Variants in B4GALNT3 observed in about 807,000 individuals in gnomAD.
The protein encoded by B4GALNT3 is beta-1,4-N-acetylgalactosaminyltransferase 3.
In B4GALNT3, 86 loss-of-function variants were observed where a neutral mutation model predicts 120.2. The ratio of observed to expected loss-of-function variants is 0.72; its 90% CI spans 0.60 to 0.86. The LOEUF is 0.86. Ranked by LOEUF, B4GALNT3 falls within the 40% of genes least tolerant of loss-of-function variation. The pLI is 0.00. For synonymous variants in B4GALNT3, 518 were observed against 510.4 expected (o/e 1.01, Z -0.20); for missense variants, 1,167 against 1,298.9 (o/e 0.90, Z 1.56).
chr12:557,530 G>A, intron 15 of B4GALNT3, 78 bp from the exon 16 acceptor site: 4 of 1,483,916 alleles, frequency 2.7e-6, no homozygotes, highest in Non-Finnish European at 3.7e-6. Flanking sequence ...ACTCACCTGG[G>A]AGCTGGGGGT....
At chr12:509,864 C>T (rs749019831) in intron 1 of B4GALNT3, among the ~76,000 whole-genome samples, 5 of 152,156 alleles carry the variant, frequency 3.3e-5, no homozygotes, top group Non-Finnish European at 7.3e-5. Flanking sequence ...GTGGTGGGAG[C>T]AAGAAAGAGA....
intron 1 of B4GALNT3, among the ~76,000 whole-genome samples, chr12:511,339 T>TCCA (rs199673861): frequency 8.0e-4 from 41 of 51,114 alleles, no homozygotes; most frequent in Admixed American, 1.3e-3. Flanking sequence ...CCTTCCACCT[T>TCCA]CCTTCCACCT....
At chr12:464,262 A>T (rs780591363) in intron 1 of B4GALNT3, among the ~76,000 whole-genome samples, 7 of 152,214 alleles carry the variant, frequency 4.6e-5, no homozygotes, top group African/African-American at 4.8e-5. Context: ...AGATTCTCCA[A>T]TTAGGCAGGT....
rs141528374 is a variant in B4GALNT3 at position 544,349 on chromosome 12, G to T, written c.362G>T (p.Arg121Leu). The T allele has an allele frequency of 1.2e-6, 2 of 1,613,422 alleles. No individual in the cohort carries two copies. Among genetic ancestry groups the T allele is most frequent in the Non-Finnish European group, 8.5e-7 (1 of 1,179,852 alleles). ...GTCTCCGCCCTGCAGTTCCGGGGCC[G>T]TGCCAACCTGCATGTGTTTGAAGAC... ...PVPWLSEFRGRANLHVFEDWC... is the reference protein window; with the variant it reads ...PVPWLSEFRGLANLHVFEDWC... The change falls in exon 4 of 20, where the codon CGT becomes CTT. Residue 121 changes from arginine (R) to leucine (L), a missense_variant. Physicochemically the swap from Arg to Leu is moderately radical, Grantham distance 102. This residue lies in a region of B4GALNT3 where 171 missense variants were observed against 161.3 expected (regional missense o/e 1.06). Coordinates refer to ENST00000266383, the MANE Select transcript of B4GALNT3 (RefSeq NM_173593.4).
Position 529,190 on chromosome 12 carries a change from C to T in B4GALNT3, c.170-5976C>T, listed in dbSNP as rs138452517. On this transcript the variant is annotated intron_variant, in intron 1 of 19. Transcript: ENST00000266383. Reference sequence around the variant, plus strand: ...CAAAAGAGCTTCAGAAAGACCTTTCCGCATCTCCCCCTGTAGGTGTCACCC... The same window carrying T: ...CAAAAGAGCTTCAGAAAGACCTTTCTGCATCTCCCCCTGTAGGTGTCACCC... Among the ~76,000 whole-genome samples, 125 of 152,240 alleles carry T rather than the reference C, an allele frequency of 8.2e-4. 1 individual carries two copies. The highest frequency in any genetic ancestry group is 3.4e-3 in the Middle Eastern group (1 of 294).
chr12:560,432 T>C (rs1254343268), intron 19 of B4GALNT3, among the ~76,000 whole-genome samples: 2 of 152,188 alleles, frequency 1.3e-5, no homozygotes, highest in Non-Finnish European at 2.9e-5. Context: ...ATTTTCCAGA[T>C]GAGAAGACTG....
chr12:528,322 C>T (rs1414057033), intron 1 of B4GALNT3, among the ~76,000 whole-genome samples: 1 of 152,126 alleles, frequency 6.6e-6, no homozygotes, highest in Non-Finnish European at 1.5e-5. Context: ...AACCCCTGGG[C>T]TCAAGCCATC....
At chr12:510,732 T>A (rs1946539520) in intron 1 of B4GALNT3, among the ~76,000 whole-genome samples, 1 of 151,928 alleles carries the variant, frequency 6.6e-6, no homozygotes, top group Non-Finnish European at 1.5e-5. Context: ...GGAGTGGAGA[T>A]GCTTTGGGAA....
In B4GALNT3 at chr12:558,071, G is replaced by C; in HGVS notation, c.2590G>C (p.Gly864Arg). The change falls in exon 17 of 20, where the codon GGC becomes CGC. Residue 864 changes from glycine (G) to arginine (R), a missense_variant. Gly to Arg is a moderately radical substitution (Grantham distance 125). Transcript: ENST00000266383. Reference protein sequence around the residue: ...NFERSAGLQAGIDLVKDPHSI... With the variant: ...NFERSAGLQARIDLVKDPHSI... ...TGAACGCTCAGCTGGACTTCAGGCT[G>C]GCATAGACCTCGTGAAGGTAAAGGG... 2 of 1,613,906 alleles carry C rather than the reference G, an allele frequency of 1.2e-6. No individual in the cohort carries two copies. Among genetic ancestry groups the C allele is most frequent in the Non-Finnish European group, 1.7e-6 (2 of 1,180,026 alleles).
intron 1 of B4GALNT3, among the ~76,000 whole-genome samples, chr12:505,606 CT>C (rs1332276178): frequency 7.2e-5 from 11 of 152,192 alleles, no homozygotes; most frequent in African/African-American, 2.2e-4. Flanking sequence ...ATTTTCTGGC[CT>C]TTCTCATGCT....
At chr12:556,026 A>G (rs11612044) in intron 14 of B4GALNT3, among the ~76,000 whole-genome samples, 10,021 of 151,616 alleles carry the variant, frequency 0.066, 855 homozygotes, top group Admixed American at 0.24. Context: ...CTTGTGATCC[A>G]CCTGCCTTGG....
Position 552,290 on chromosome 12 carries a change from A to G in B4GALNT3, c.1208+127A>G, listed in dbSNP as rs1323888423. On this transcript the variant is annotated intron_variant, in intron 12 of 19. Coordinates refer to ENST00000266383, the MANE Select transcript of B4GALNT3 (RefSeq NM_173593.4). ...GTCTTTGCTCTTGCTCTTCCTGAGTACTACACACACACACACACACACACA... is the reference window on the plus strand; with the variant it reads ...GTCTTTGCTCTTGCTCTTCCTGAGTGCTACACACACACACACACACACACA... The G allele has an allele frequency of 1.1e-4, 82 of 729,468 alleles. No individual in the cohort carries two copies. The East Asian group carries it at 2.3e-3, about 20-fold the overall frequency. The allele number at this position is 729,468 out of a possible 1,614,324, so 45.2% of individuals were successfully genotyped here. A position where few individuals can be genotyped will look rare whatever the true frequency, so the allele number is the denominator to read the frequency against.
rs181788881 is a variant in B4GALNT3 at position 535,149 on chromosome 12, C to T, written c.170-17C>T. On this transcript the variant is annotated splice_polypyrimidine_tract_variant and intron_variant, in intron 1 of 19. Coordinates refer to ENST00000266383, the MANE Select transcript of B4GALNT3 (RefSeq NM_173593.4). The stretch of plus-strand genomic sequence containing the variant: ...AGGTTACGCTGACCTGAGGGCTCCT[C>T]TCTTCCCCTTCCACAGGGTACGGCA... 2.1e-4 allele frequency: 342 copies of T among 1,605,430 alleles called. 1 individual carries two copies. The East Asian group carries it at 6.2e-3, about 29-fold the overall frequency.
At position 550,794 on chromosome 12, in the gene B4GALNT3, A is replaced by G; in HGVS notation, c.998-128A>G. Reference sequence around the variant, plus strand: ...GGGGCAGCCTCCAGCTGGCAGCCTCAGCCACAGACGTCGGCAGAACACAGC... The same window carrying G: ...GGGGCAGCCTCCAGCTGGCAGCCTCGGCCACAGACGTCGGCAGAACACAGC... On this transcript the variant is annotated intron_variant, in intron 10 of 19. Coordinates refer to ENST00000266383, the MANE Select transcript of B4GALNT3 (RefSeq NM_173593.4). The surrounding 1 kb of genome is among the most constrained non-coding windows in gnomAD (Gnocchi z 4.1). 1.4e-6 allele frequency: 1 copy of G among 736,286 alleles called. No homozygotes were observed. The highest frequency in any genetic ancestry group is 2.2e-6 in the Non-Finnish European group (1 of 449,032). 45.6% of individuals were successfully genotyped at this position (736,286 alleles called of 1,614,324 possible). A position where few individuals can be genotyped will look rare whatever the true frequency, so the allele number is the denominator to read the frequency against.
intron 1 of B4GALNT3, among the ~76,000 whole-genome samples, chr12:519,613 T>C (rs796509389): frequency 9.0e-4 from 134 of 149,384 alleles, no homozygotes; most frequent in Non-Finnish European, 9.9e-4. Context: ...TTTTTTTTTT[T>C]CCGGTAAGGA....
At chr12:492,041 G>A (rs1327196257) in intron 1 of B4GALNT3, among the ~76,000 whole-genome samples, 1 of 137,968 alleles carries the variant, frequency 7.2e-6, no homozygotes, top group African/African-American at 2.7e-5. Flanking sequence ...TTGGGCACCA[G>A]AACGAGACCG....
intron 1 of B4GALNT3, among the ~76,000 whole-genome samples, chr12:463,847 G>A (rs1946050327): frequency 6.6e-6 from 1 of 152,210 alleles, no homozygotes; most frequent in African/African-American, 2.4e-5. Flanking sequence ...GTGAAACAGA[G>A]GGTATAAGAA....
intron 1 of B4GALNT3, among the ~76,000 whole-genome samples, chr12:512,466 TTCC>T (rs1352590057): frequency 9.7e-4 from 127 of 130,942 alleles, no homozygotes; most frequent in Middle Eastern, 7.0e-3. Context: ...ACCTTCCACC[TTCC>T]GCCCACCTTC....
At chr12:535,044 C>T (rs1946844320) in intron 1 of B4GALNT3, 122 bp from the exon 2 acceptor site, 1 of 762,546 alleles carries the variant, frequency 1.3e-6, no homozygotes, top group Non-Finnish European at 2.1e-6. Flanking sequence ...CCTCTTCCCA[C>T]CCACCCTCTG....
Sources: allele counts gnomAD v4.1 joint callset (sites outside exome capture counted in the v4.1 genomes callset), GRCh38; gene constraint gnomAD v4.1.1; regional missense constraint gnomAD v4.1.1; non-coding constraint Gnocchi (gnomAD v3.1); transcripts MANE v1.5; gene names NCBI Gene and HGNC (gene_info 2026-07-23, HGNC 2026-07-21).